The following PRKG2 variants were observed in gnomAD, a reference collection of about 807,000 sequenced individuals.
PRKG2 encodes cGMP-dependent protein kinase 2.
Under a neutral mutation model 97.2 loss-of-function variants are expected in PRKG2, and 33 were observed. That is an observed-to-expected ratio of 0.34 (90% CI 0.26 to 0.45). PRKG2 has a LOEUF of 0.45. PRKG2 is among the 20% of genes least tolerant of loss of function. The probability of loss-of-function intolerance (pLI) is 1.00; values close to 1 mark genes in which losing one functional copy is unlikely to be tolerated. For missense variants in PRKG2, 638 were observed against 900.0 expected (o/e 0.71, Z 3.73); for synonymous variants, 330 against 321.8 (o/e 1.03, Z -0.27).
At chr4:81,176,980 A>T (rs1429950969) in intron 2 of PRKG2, among the ~76,000 whole-genome samples, 1 of 152,106 alleles carries the variant, frequency 6.6e-6, no homozygotes, top group Non-Finnish European at 1.5e-5. Flanking sequence ...CCTAAAACAA[A>T]TTTTTTATTA....
chr4:81,150,498 G>T (rs1279921695), intron 8 of PRKG2, among the ~76,000 whole-genome samples: 1 of 152,088 alleles, frequency 6.6e-6, no homozygotes, highest in Non-Finnish European at 1.5e-5. Context: ...AAAAATATTT[G>T]TCTCCAACTT....
rs564963104 is a variant in PRKG2, at chr4:81,088,282, G to A, written c.*1426C>T. On this transcript the variant is annotated 3_prime_UTR_variant, in exon 19 of 19. Coordinates refer to ENST00000264399, the MANE Select transcript of PRKG2 (RefSeq NM_006259.3). ...GCATATAGCTGGCTTTTTTCTGGATGATGAAATTATGAGTGGGGACTGGGT... is the reference window on the plus strand; with the variant it reads ...GCATATAGCTGGCTTTTTTCTGGATAATGAAATTATGAGTGGGGACTGGGT... 6.6e-6 allele frequency: 1 copy of A among 152,250 alleles called. No individual in the cohort carries two copies. The highest frequency in any genetic ancestry group is 2.1e-4 in the South Asian group (1 of 4,828). 9.4% of individuals were successfully genotyped at this position (152,250 alleles called of 1,614,324 possible).
At chr4:81,113,505 C>T (rs1744190394) in intron 14 of PRKG2, among the ~76,000 whole-genome samples, 1 of 152,090 alleles carries the variant, frequency 6.6e-6, no homozygotes, top group Admixed American at 6.5e-5. Context: ...ACATCATCTC[C>T]AAAGATTTTA....
chr4:81,186,657 C>T (rs568966261), intron 2 of PRKG2, among the ~76,000 whole-genome samples: 10 of 152,040 alleles, frequency 6.6e-5, no homozygotes, highest in African/African-American at 1.9e-4. Flanking sequence ...ACATGAAAAA[C>T]CCTTCAAAAA....
At chr4:81,170,737 T>C (rs1750395824) in intron 4 of PRKG2, among the ~76,000 whole-genome samples, 1 of 152,092 alleles carries the variant, frequency 6.6e-6, no homozygotes, top group Admixed American at 6.6e-5. Flanking sequence ...GCAAGTAAAG[T>C]AATCCCAAAA....
upstream of PRKG2, among the ~76,000 whole-genome samples, chr4:81,216,337 TC>T (rs1369472521): frequency 4.0e-5 from 6 of 149,258 alleles, no homozygotes; most frequent in African/African-American, 1.5e-4. Context: ...CATGAAGCTA[TC>T]CCAGAGTCTG....
At chr4:81,103,868 TA>T (rs1560537603) in intron 17 of PRKG2, among the ~76,000 whole-genome samples, 1 of 151,928 alleles carries the variant, frequency 6.6e-6, no homozygotes, top group Non-Finnish European at 1.5e-5. Flanking sequence ...CTGTCTCTAC[TA>T]AAAATACAAA....
chr4:81,116,552 C>T (rs1370044806), intron 14 of PRKG2, among the ~76,000 whole-genome samples: 3 of 152,104 alleles, frequency 2.0e-5, no homozygotes. Context: ...AATAATGAGA[C>T]TGTTGGGTTG....
intron 2 of PRKG2, among the ~76,000 whole-genome samples, chr4:81,204,179 C>T (rs1277428387): frequency 2.0e-5 from 3 of 151,864 alleles, no homozygotes; most frequent in African/African-American, 7.3e-5. Context: ...CCAGCATGTT[C>T]CTTTTCCATG....
At chr4:81,104,872 A>G (rs562964436) in intron 16 of PRKG2, among the ~76,000 whole-genome samples, 1 of 152,208 alleles carries the variant, frequency 6.6e-6, no homozygotes, top group East Asian at 1.9e-4. Flanking sequence ...TTCAAATAGG[A>G]AAAAAACAGC....
chr4:81,154,470 C>G (rs1001320632), intron 6 of PRKG2, among the ~76,000 whole-genome samples: 1 of 149,578 alleles, frequency 6.7e-6, no homozygotes, highest in Non-Finnish European at 1.5e-5. Flanking sequence ...CCCTGACCCC[C>G]GAGCAGCCTA....
At chr4:81,207,480 A>G (rs1753743924) in intron 1 of PRKG2, among the ~76,000 whole-genome samples, 1 of 152,250 alleles carries the variant, frequency 6.6e-6, no homozygotes, top group Non-Finnish European at 1.5e-5. Flanking sequence ...TATCAGAGGC[A>G]TATCCCATCA....
At chr4:81,163,689 A>G (rs1749753797) in intron 6 of PRKG2, among the ~76,000 whole-genome samples, 1 of 152,170 alleles carries the variant, frequency 6.6e-6, no homozygotes, top group African/African-American at 2.4e-5. Context: ...ATATAAAACC[A>G]GAAGGAAATT....
At chr4:81,166,666 T>C (rs979051614) in intron 6 of PRKG2, among the ~76,000 whole-genome samples, 7 of 152,156 alleles carry the variant, frequency 4.6e-5, no homozygotes, top group African/African-American at 1.7e-4. Context: ...AAAGTGCTTC[T>C]TAAATACAGT....
chr4:81,177,827 A>C (rs1049907960), intron 2 of PRKG2, among the ~76,000 whole-genome samples: 3 of 152,058 alleles, frequency 2.0e-5, no homozygotes, highest in Admixed American at 6.5e-5. Context: ...ATCTATTGGA[A>C]GTATTGAAGA....
intron 14 of PRKG2, among the ~76,000 whole-genome samples, chr4:81,117,714 G>A (rs1442802909): frequency 6.6e-6 from 1 of 152,156 alleles, no homozygotes; most frequent in Non-Finnish European, 1.5e-5. Context: ...CAGTGAAACT[G>A]AAAGGAATGA....
chr4:81,164,684 G>T (rs998150021), intron 6 of PRKG2, among the ~76,000 whole-genome samples: 12 of 152,038 alleles, frequency 7.9e-5, no homozygotes, highest in African/African-American at 1.9e-4. Flanking sequence ...CAGTAAGTGT[G>T]GGGTGGTGCC....
At chr4:81,142,401 G>T (rs530805944) in intron 11 of PRKG2, among the ~76,000 whole-genome samples, 1 of 152,126 alleles carries the variant, frequency 6.6e-6, no homozygotes, top group Non-Finnish European at 1.5e-5. Flanking sequence ...TCACCTCTAT[G>T]GCATTTTCAC....
chr4:81,161,079 T>C (rs1167146174), intron 6 of PRKG2, among the ~76,000 whole-genome samples: 1 of 152,334 alleles, frequency 6.6e-6, no homozygotes, highest in East Asian at 1.9e-4. Context: ...TTTTTATCTG[T>C]TGTTTTTCAA....
Sources: gnomAD v4.1 joint callset for allele counts (sites outside exome capture counted in the v4.1 genomes callset) on GRCh38, gnomAD v4.1.1 for gene constraint, MANE v1.5 for transcripts, NCBI Gene and HGNC (gene_info 2026-07-23, HGNC 2026-07-21) for gene names.